Variants in GULP1 observed in about 807,000 individuals in gnomAD.
The protein encoded by GULP1 is PTB domain-containing engulfment adapter protein 1.
In GULP1, 19 loss-of-function variants were observed where a neutral mutation model predicts 40.9. The ratio of observed to expected loss-of-function variants is 0.46; its 90% CI spans 0.32 to 0.68. The LOEUF is 0.68. GULP1 is among the 30% of genes least tolerant of loss of function. GULP1 has a pLI of 0.03. For synonymous variants in GULP1, 119 were observed against 117.6 expected (o/e 1.01, Z -0.08); for missense variants, 312 against 362.2 (o/e 0.86, Z 1.12).
chr2:188,516,320 T>C (rs2065168014), intron 4 of GULP1, among the ~76,000 whole-genome samples: 1 of 152,216 alleles, frequency 6.6e-6, no homozygotes, highest in South Asian at 2.1e-4. Context: ...CTTTCTTCCA[T>C]TATTGCTGAT....
At chr2:188,579,924 A>T (rs908855137) in intron 9 of GULP1, among the ~76,000 whole-genome samples, 1 of 152,162 alleles carries the variant, frequency 6.6e-6, no homozygotes, top group Non-Finnish European at 1.5e-5. Context: ...AAAAATATAG[A>T]GTATTACCAT....
intron 2 of GULP1, among the ~76,000 whole-genome samples, chr2:188,394,754 ATG>A: frequency 6.6e-6 from 1 of 152,254 alleles, no homozygotes; most frequent in Middle Eastern, 3.4e-3. Context: ...TTTATACTTT[ATG>A]GTAACCTAAT....
intron 1 of GULP1, among the ~76,000 whole-genome samples, chr2:188,369,299 G>A (rs938023853): frequency 6.6e-6 from 1 of 151,706 alleles, no homozygotes; most frequent in Non-Finnish European, 1.5e-5. Flanking sequence ...TACAATCAAA[G>A]TTTTGTTCAT....
In GULP1 at chr2:188,376,921, C is replaced by G. The variant is rs566128784; in HGVS notation, c.-171-6842C>G. On this transcript the variant is annotated intron_variant, in intron 1 of 11. Coordinates refer to ENST00000409830, the MANE Select transcript of GULP1 (RefSeq NM_016315.4). ...GGGCGCAGTGGCTCATGCCTGTAAT[C>G]CCAGCACTTTTGGAAGTTGAGGCTG... 1.5e-4 allele frequency among the ~76,000 whole-genome samples: 23 copies of G among 152,284 alleles called. No individual in the cohort carries two copies. In the South Asian group the frequency reaches 4.6e-3, roughly 30 times the overall value.
chr2:188,538,867 T>C (rs980596806), intron 6 of GULP1, among the ~76,000 whole-genome samples: 1 of 152,136 alleles, frequency 6.6e-6, no homozygotes, highest in African/African-American at 2.4e-5. Context: ...TATGTTGATA[T>C]TTAGAAAAAA....
intron 2 of GULP1, among the ~76,000 whole-genome samples, chr2:188,453,258 A>G (rs2058983682): frequency 6.6e-6 from 1 of 152,240 alleles, no homozygotes; most frequent in African/African-American, 2.4e-5. Context: ...TATACAAAAC[A>G]CCATTAAAAT....
chr2:188,472,423 T>A (rs2060664503), intron 2 of GULP1, among the ~76,000 whole-genome samples: 1 of 152,206 alleles, frequency 6.6e-6, no homozygotes, highest in Non-Finnish European at 1.5e-5. Flanking sequence ...TTTGCTCTTT[T>A]GAGGCTATTT....
Position 188,541,176 on chromosome 2 carries a change from C to T in GULP1, c.262-5C>T, listed in dbSNP as rs1690388700. 6.2e-7 allele frequency: 1 copy of T among 1,610,354 alleles called. No individual in the cohort carries two copies. Among genetic ancestry groups the T allele is most frequent in the African/African-American group, 1.3e-5 (1 of 74,806 alleles). ...AACTATGTTTATTTCCATCTGTGTT[C>T]ACAGGAAGTTCAACACAATTGCCAG... is the stretch of plus-strand genomic sequence containing the variant. On this transcript the variant is annotated splice_polypyrimidine_tract_variant and splice_region_variant and intron_variant, in intron 6 of 11. Coordinates refer to ENST00000409830, the MANE Select transcript of GULP1 (RefSeq NM_016315.4).
intron 1 of GULP1, among the ~76,000 whole-genome samples, chr2:188,375,193 G>A (rs1173760897): frequency 1.3e-5 from 2 of 152,062 alleles, no homozygotes; most frequent in South Asian, 2.1e-4. Context: ...AGATTTTACC[G>A]AGCAGTGTAT....
intron 1 of GULP1, among the ~76,000 whole-genome samples, chr2:188,337,736 T>G (rs2042458889): frequency 6.6e-6 from 1 of 152,038 alleles, no homozygotes; most frequent in Non-Finnish European, 1.5e-5. Flanking sequence ...TTTCAGTCTA[T>G]TCCTGACTGC....
intron 1 of GULP1, among the ~76,000 whole-genome samples, chr2:188,364,784 A>G (rs1431453358): frequency 7.0e-6 from 1 of 143,848 alleles, no homozygotes; most frequent in Non-Finnish European, 1.6e-5. Flanking sequence ...CATGATATAT[A>G]TACATATACA....
chr2:188,302,337 T>C (rs1396108763), intron 1 of GULP1, among the ~76,000 whole-genome samples: 1 of 152,140 alleles, frequency 6.6e-6, no homozygotes, highest in Non-Finnish European at 1.5e-5. Context: ...AATTTAAAAT[T>C]TTTTGAAATA....
At chr2:188,516,080 TGCTTTTATTC>T (rs1202362399) in intron 4 of GULP1, among the ~76,000 whole-genome samples, 2 of 152,222 alleles carry the variant, frequency 1.3e-5, no homozygotes, top group African/African-American at 4.8e-5. Flanking sequence ...TGTACTGCTG[TGCTTTTATTC>T]GTCATATCTG....
intron 11 of GULP1, chr2:188,590,664 A>G (rs778602423): frequency 1.3e-5 from 2 of 152,210 alleles, no homozygotes; most frequent in Non-Finnish European, 2.9e-5. Context: ...TTTGAAATCA[A>G]TAATGTAGCT....
chr2:188,446,185 T>C (rs1157007792), intron 2 of GULP1, among the ~76,000 whole-genome samples: 1 of 152,160 alleles, frequency 6.6e-6, no homozygotes, highest in Non-Finnish European at 1.5e-5. Flanking sequence ...TTCTTCTACC[T>C]GCATTTATAT....
intron 4 of GULP1, among the ~76,000 whole-genome samples, chr2:188,496,494 TG>T (rs34319907): frequency 6.6e-6 from 1 of 151,916 alleles, no homozygotes; most frequent in Non-Finnish European, 1.5e-5. Flanking sequence ...CAGAAACTTC[TG>T]GGGAAAAAAT....
At chr2:188,399,113 T>G (rs1422046380) in intron 2 of GULP1, among the ~76,000 whole-genome samples, 1 of 152,228 alleles carries the variant, frequency 6.6e-6, no homozygotes, top group Non-Finnish European at 1.5e-5. Flanking sequence ...TATTCTTAGA[T>G]CACAAGTAAC....
In GULP1 at chr2:188,522,643, CAT is replaced by C. The variant is rs1234642163; in HGVS notation, c.91-110_91-109del. The C allele has an allele frequency of 4.7e-5, 21 of 449,336 alleles. 1 individual carries two copies. Among genetic ancestry groups the C allele is most frequent in the African/African-American group, 2.2e-4 (11 of 50,076 alleles). 27.8% of individuals were successfully genotyped at this position (449,336 alleles called of 1,614,324 possible). On this transcript the variant is annotated intron_variant, in intron 4 of 11. Transcript: ENST00000409830. ...TAAAATAATAATTCTATTTAATTAACATATGAGTTTGCATTACTATTAAACCA... is the reference window on the plus strand; with the variant it reads ...TAAAATAATAATTCTATTTAATTAACATGAGTTTGCATTACTATTAAACCA...
chr2:188,404,348 A>G (rs1193376257), intron 2 of GULP1, among the ~76,000 whole-genome samples: 1 of 152,204 alleles, frequency 6.6e-6, no homozygotes, highest in African/African-American at 2.4e-5. Flanking sequence ...AATAAGATGC[A>G]TAGAAGACAG....
Sources: gnomAD v4.1 joint callset for allele counts (sites outside exome capture counted in the v4.1 genomes callset) on GRCh38, gnomAD v4.1.1 for gene constraint, MANE v1.5 for transcripts, NCBI Gene and HGNC (gene_info 2026-07-23, HGNC 2026-07-21) for gene names.